The following IDNK variants were observed in gnomAD, a reference collection of about 807,000 sequenced individuals.
IDNK encodes IDNK gluconokinase, also known as gluconokinase.
IDNK carries 9 observed loss-of-function variants against 13.0 expected under a neutral mutation model. The observed-to-expected ratio is 0.69, with a 90% confidence interval of 0.42 to 1.21. The LOEUF is 1.21. IDNK is among the 50% of genes most tolerant of loss of function. The pLI is 0.00. For synonymous variants in IDNK, 92 were observed against 94.9 expected, an observed-to-expected ratio of 0.97 and a Z score of 0.18; for missense variants, 210 against 237.8, an observed-to-expected ratio of 0.88 and a Z score of 0.77.
At position 83,628,226 on chromosome 9, in the gene IDNK, C is replaced by T. The variant is rs1048764855; in HGVS notation, c.81+15C>T. On this transcript the variant is annotated intron_variant, in intron 2 of 4. Coordinates refer to ENST00000376419, the MANE Select transcript of IDNK (RefSeq NM_001001551.4). ...TGGCATCTGAGGTTAGTAACCTGTC[C>T]TAATGCCTTCCGAGTGCTTGTCCCA... 14 of 1,543,886 alleles carry T rather than the reference C, an allele frequency of 9.1e-6. No homozygotes were observed. Among genetic ancestry groups the T allele is most frequent in the Non-Finnish European group, 1.2e-5 (14 of 1,140,864 alleles).
chr9:83,625,579 A>G (rs117217323), intron 1 of IDNK, among the ~76,000 whole-genome samples: 2,015 of 152,358 alleles, frequency 0.013, 22 homozygotes, highest in Non-Finnish European at 0.022. Context: ...TGAGTAATAA[A>G]AAGACTGGGA....
In IDNK at chr9:83,643,587, T is replaced by G. The variant is rs763111495; in HGVS notation, c.371T>G (p.Leu124Arg). The G allele has an allele frequency of 3.1e-6, 5 of 1,613,916 alleles. No homozygotes were observed. In the African/African-American group the frequency reaches 5.3e-5, roughly 17 times the overall value. Reference sequence around the variant, plus strand: ...GAGATGCAGCTCCTGGTGGTCCATCTGAGCGGGTCGTTTGAGGTCATCTCT... The same window carrying G: ...GAGATGCAGCTCCTGGTGGTCCATCGGAGCGGGTCGTTTGAGGTCATCTCT... ...QAEMQLLVVH[L>R]SGSFEVISGR... The change falls in exon 5 of 5, where the codon CTG becomes CGG. Residue 124 changes from leucine to arginine, a missense_variant. Transcript: ENST00000376419.
intron 3 of IDNK, 145 bp from the exon 4 acceptor site, chr9:83,641,403 C>G: frequency 1.3e-6 from 1 of 768,808 alleles, no homozygotes; most frequent in Non-Finnish European, 2.2e-6. Context: ...GCTGGCCCCT[C>G]AGCCTTGTGC....
chr9:83,623,521 C>A, intron 1 of IDNK: 1 of 371,212 alleles, frequency 2.7e-6, no homozygotes, highest in East Asian at 6.1e-5. Flanking sequence ...CGGGGCCGCG[C>A]AGGTGGAGGC....
chr9:83,642,054 T>TA (rs1275105715), intron 4 of IDNK, among the ~76,000 whole-genome samples: 2 of 152,182 alleles, frequency 1.3e-5, no homozygotes, highest in African/African-American at 4.8e-5. Context: ...AAGCTGTGAC[T>TA]ACCAGGAAGG....
At chr9:83,631,451 G>GAAAAAAAACAAAAAAAAAAA (rs1831011578) in intron 3 of IDNK, among the ~76,000 whole-genome samples, 1 of 56,946 alleles carries the variant, frequency 1.8e-5, no homozygotes, top group African/African-American at 7.2e-5. Flanking sequence ...TACAAAAACT[G>GAAAAAAAACAAAAAAAAAAA]AAAAAAAAAA....
At chr9:83,634,064 A>C (rs1218351956) in intron 3 of IDNK, among the ~76,000 whole-genome samples, 1 of 152,182 alleles carries the variant, frequency 6.6e-6, no homozygotes, top group Non-Finnish European at 1.5e-5. Flanking sequence ...AGGCACTAGA[A>C]CTTGAATTTC....
intron 1 of IDNK, 23 bp from the exon 2 acceptor site, chr9:83,628,158 G>T (rs944970722): frequency 1.3e-6 from 2 of 1,550,368 alleles, no homozygotes; most frequent in Non-Finnish European, 1.7e-6. Flanking sequence ...GCAGTAACGG[G>T]AACATCTGTG....
At chr9:83,637,002 G>A (rs952036539) in intron 3 of IDNK, among the ~76,000 whole-genome samples, 5 of 152,224 alleles carry the variant, frequency 3.3e-5, no homozygotes, top group Non-Finnish European at 5.9e-5. Context: ...CCAGACAAGT[G>A]CTAACATAAA....
At chr9:83,628,028 C>T in intron 1 of IDNK, 153 bp from the exon 2 acceptor site, 2 of 1,459,118 alleles carry the variant, frequency 1.4e-6, no homozygotes. Flanking sequence ...CTCCAGACTC[C>T]ACGGTCACGG....
intron 1 of IDNK, 167 bp downstream of exon 1, chr9:83,623,388 C>A: frequency 1.5e-6 from 1 of 655,446 alleles, no homozygotes; most frequent in Non-Finnish European, 2.5e-6. Flanking sequence ...TCTCCCCGCC[C>A]TCCAGCCTGC....
At chr9:83,627,551 C>T (rs1830887859) in intron 1 of IDNK, among the ~76,000 whole-genome samples, 1 of 152,140 alleles carries the variant, frequency 6.6e-6, no homozygotes, top group African/African-American at 2.4e-5. Flanking sequence ...ATCTCCAGTA[C>T]TGAGTCCCGA....
intron 1 of IDNK, chr9:83,623,483 G>A (rs1830760703): frequency 8.8e-6 from 4 of 456,372 alleles, no homozygotes; most frequent in Non-Finnish European, 1.6e-5. Flanking sequence ...CAGGCTCAGG[G>A]AGGAAGCCGC....
At chr9:83,640,292 T>C (rs1445374138) in intron 3 of IDNK, among the ~76,000 whole-genome samples, 1 of 152,226 alleles carries the variant, frequency 6.6e-6, no homozygotes, top group Non-Finnish European at 1.5e-5. Context: ...AAAACTATCC[T>C]ACTCATTTTA....
intron 4 of IDNK, among the ~76,000 whole-genome samples, chr9:83,642,133 A>C (rs1255078536): frequency 6.6e-6 from 1 of 150,914 alleles, no homozygotes; most frequent in Non-Finnish European, 1.5e-5. Flanking sequence ...CCAGCTCTGC[A>C]GCATGCCCCT....
At chr9:83,637,342 A>G (rs933864832) in intron 3 of IDNK, among the ~76,000 whole-genome samples, 1 of 152,250 alleles carries the variant, frequency 6.6e-6, no homozygotes, top group African/African-American at 2.4e-5. Context: ...AAGAAAAAGA[A>G]ATATTATTTC....
chr9:83,625,831 G>A (rs146607423), intron 1 of IDNK, among the ~76,000 whole-genome samples: 2 of 152,132 alleles, frequency 1.3e-5, no homozygotes, highest in Non-Finnish European at 2.9e-5. Flanking sequence ...TGAATGTAAA[G>A]GATTATTTTC....
At chr9:83,629,435 T>C (rs2811906) in intron 3 of IDNK, among the ~76,000 whole-genome samples, 122,810 of 152,014 alleles carry the variant, frequency 0.81, 50,004 homozygotes, top group African/African-American at 0.9. Flanking sequence ...CAAGACCAAA[T>C]ACTTACACTG....
chr9:83,634,154 T>C (rs1165914891), intron 3 of IDNK, among the ~76,000 whole-genome samples: 1 of 152,230 alleles, frequency 6.6e-6, no homozygotes, highest in Non-Finnish European at 1.5e-5. Flanking sequence ...AATCATTTAA[T>C]TATGATTCAC....
Sources: gnomAD v4.1 joint callset for allele counts (sites outside exome capture counted in the v4.1 genomes callset) on GRCh38, gnomAD v4.1.1 for gene constraint, MANE v1.5 for transcripts, NCBI Gene and HGNC (gene_info 2026-07-23, HGNC 2026-07-21) for gene names.